The following ERICH1 variants were observed in gnomAD, a reference collection of about 807,000 sequenced individuals.
ERICH1 encodes the protein glutamate-rich protein 1.
ERICH1 carries 56 observed loss-of-function variants against 39.6 expected under a neutral mutation model. The observed-to-expected ratio is 1.41, with a 90% confidence interval of 1.14 to 1.77. The LOEUF is 1.77. Ranked by LOEUF, ERICH1 falls within the 40% of genes most tolerant of loss-of-function variation. The pLI is 0.00. For missense variants in ERICH1, 826 were observed against 575.4 expected, an observed-to-expected ratio of 1.44 and a Z score of -4.45; for synonymous variants, 313 against 223.6, an observed-to-expected ratio of 1.40 and a Z score of -3.57.
chr8:727,393 C>A (rs1819019589), intron 1 of ERICH1, among the ~76,000 whole-genome samples: 1 of 152,172 alleles, frequency 6.6e-6, no homozygotes, highest in African/African-American at 2.4e-5. Flanking sequence ...GCAATCCACT[C>A]CCTGAGGTGC....
In ERICH1 at chr8:685,397, A is replaced by G. The variant is rs576914729; in HGVS notation, c.304+7081T>C. The stretch of plus-strand genomic sequence containing the variant: ...CAGATTTCATATTGTTCAAACACAC[A>G]TGCTTTACGAACAATTTGTGCAGTT... On this transcript the variant is annotated intron_variant, in intron 3 of 5. Transcript: ENST00000262109. Among the ~76,000 whole-genome samples, 5 of 152,280 alleles carry G rather than the reference A, an allele frequency of 3.3e-5. No individual in the cohort carries two copies. In the South Asian group the frequency reaches 1.0e-3, roughly 32 times the overall value.
At chr8:618,014 G>T (rs1797035983) in intron 3 of ERICH1, among the ~76,000 whole-genome samples, 1 of 146,644 alleles carries the variant, frequency 6.8e-6, no homozygotes, top group Non-Finnish European at 1.5e-5. Context: ...AGTACTTGGT[G>T]CTTGGTCCAT....
intron 5 of ERICH1, chr8:666,663 C>G (rs1401097747): frequency 6.5e-6 from 1 of 152,740 alleles, no homozygotes; most frequent in African/African-American, 2.4e-5. Context: ...CACTCCGGGC[C>G]TTATGGCCCT....
chr8:629,576 G>A (rs6985258), intron 3 of ERICH1, among the ~76,000 whole-genome samples: 4 of 82,570 alleles, frequency 4.8e-5, no homozygotes, highest in Non-Finnish European at 7.1e-5. Flanking sequence ...ACTCACACCC[G>A]CCGGTGACCA....
In ERICH1 at chr8:664,648, AAAG is replaced by A. The variant is rs1425320410; in HGVS notation, c.1284_1286del (p.Phe429del). ...GAAGGATATGTGTGATCCAGTAACTAAAGAAAGCTGAGATTACTCTGGCATGGT... is the reference window on the plus strand; with the variant it reads ...GAAGGATATGTGTGATCCAGTAACTAAAAGCTGAGATTACTCTGGCATGGT... On this transcript the variant is annotated inframe_deletion, in exon 6 of 6. Transcript: ENST00000262109. 6.2e-7 allele frequency: 1 copy of A among 1,612,948 alleles called. No individual in the cohort carries two copies. Among genetic ancestry groups the A allele is most frequent in the Non-Finnish European group, 8.5e-7 (1 of 1,179,698 alleles).
intron 2 of ERICH1, among the ~76,000 whole-genome samples, chr8:712,884 C>T (rs1294286502): frequency 1.3e-5 from 2 of 152,178 alleles, no homozygotes; most frequent in Non-Finnish European, 2.9e-5. Flanking sequence ...CTTTGTTATA[C>T]TGATTGAAAA....
At chr8:674,529 C>A (rs143171527) in intron 3 of ERICH1, among the ~76,000 whole-genome samples, 1 of 152,084 alleles carries the variant, frequency 6.6e-6, no homozygotes, top group Admixed American at 6.5e-5. Flanking sequence ...GTCTCAAACT[C>A]CTGGTCTCAA....
In ERICH1 at chr8:673,612, T is replaced by C. The variant is rs770628017; in HGVS notation, c.740A>G (p.Gln247Arg). ...CTCACTGGCGTCCGCACCCTCTTCCTGCCTGGCCCGTGTCAGGTCTTCCTC... is the reference window on the plus strand; with the variant it reads ...CTCACTGGCGTCCGCACCCTCTTCCCGCCTGGCCCGTGTCAGGTCTTCCTC... ...ASEEDLTRAR[Q>R]EEGADASEED... The change falls in exon 4 of 6, where the codon CAG (glutamine) becomes CGG (arginine). Residue 247 changes from glutamine to arginine, a missense_variant. Gln to Arg is a conservative substitution (Grantham distance 43). Transcript: ENST00000262109. 5 of 1,549,948 alleles carry C rather than the reference T, an allele frequency of 3.2e-6. No homozygotes were observed. Among genetic ancestry groups the C allele is most frequent in the Middle Eastern group, 1.7e-4 (1 of 5,906 alleles).
At chr8:635,077 A>C (rs1798320099) in intron 3 of ERICH1, among the ~76,000 whole-genome samples, 3 of 151,316 alleles carry the variant, frequency 2.0e-5, no homozygotes, top group African/African-American at 4.8e-5. Flanking sequence ...ACGTGGACTC[A>C]AGGGGTTGCC....
chr8:627,945 G>T (rs755286744), intron 3 of ERICH1, among the ~76,000 whole-genome samples: 1 of 152,150 alleles, frequency 6.6e-6, no homozygotes, highest in Non-Finnish European at 1.5e-5. Context: ...CAGGGGCCGG[G>T]GGGGCCTGGA....
intron 1 of ERICH1, among the ~76,000 whole-genome samples, chr8:727,229 C>T (rs1372837841): frequency 6.6e-6 from 1 of 152,204 alleles, no homozygotes; most frequent in Admixed American, 6.5e-5. Flanking sequence ...AACAGCGGCA[C>T]ACATACATGC....
intron 1 of ERICH1, among the ~76,000 whole-genome samples, chr8:716,312 G>A (rs1815984374): frequency 6.6e-6 from 1 of 152,242 alleles, no homozygotes; most frequent in South Asian, 2.1e-4. Flanking sequence ...TCTGGCTGCA[G>A]GTCCCTCGGT....
At chr8:644,139 C>G (rs999277907) in intron 3 of ERICH1, among the ~76,000 whole-genome samples, 2 of 152,252 alleles carry the variant, frequency 1.3e-5, no homozygotes, top group African/African-American at 4.8e-5. Context: ...ACAGGGATCA[C>G]TGTGTGGCCT....
At chr8:724,110 C>T (rs1817988618) in intron 1 of ERICH1, among the ~76,000 whole-genome samples, 1 of 152,190 alleles carries the variant, frequency 6.6e-6, no homozygotes, top group African/African-American at 2.4e-5. Flanking sequence ...AATGGGACAT[C>T]ACCAGAACCT....
chr8:656,154 C>T (rs575785516), intron 3 of ERICH1, among the ~76,000 whole-genome samples: 62 of 152,238 alleles, frequency 4.1e-4, no homozygotes, highest in African/African-American at 1.3e-3. Context: ...GCACGGTCCT[C>T]GAGGGACATG....
rs1563295784 is a variant in ERICH1, at chr8:699,838, G to GGCGCACAGACCCGCATAC, written c.170-7227_170-7226insGTATGCGGGTCTGTGCGC. On this transcript the variant is annotated intron_variant, in intron 2 of 5. Coordinates refer to ENST00000262109, the MANE Select transcript of ERICH1 (RefSeq NM_207332.3). ...CCGCACAAGCGCACAGACCCGCACAGGCGCACAGACCCGCACACGCGCACA... is the reference window on the plus strand; with the variant it reads ...CCGCACAAGCGCACAGACCCGCACAGGCGCACAGACCCGCATACGCGCACAGACCCGCACACGCGCACA... 7.9e-3 allele frequency among the ~76,000 whole-genome samples: 461 copies of GGCGCACAGACCCGCATAC among 58,362 alleles called. 22 individuals are homozygous for GGCGCACAGACCCGCATAC. Among genetic ancestry groups the GGCGCACAGACCCGCATAC allele is most frequent in the African/African-American group, 0.026 (430 of 16,492 alleles). 38.3% of individuals were successfully genotyped at this position (58,362 alleles called of 152,430 possible).
At chr8:686,644 T>C (rs1019527819) in intron 3 of ERICH1, 1 of 152,198 alleles carries the variant, frequency 6.6e-6, no homozygotes, top group South Asian at 2.1e-4. Flanking sequence ...GTGCCAACCT[T>C]TTAGAAACCA....
intron 2 of ERICH1, among the ~76,000 whole-genome samples, chr8:709,801 T>C (rs938879565): frequency 6.6e-6 from 1 of 152,180 alleles, no homozygotes; most frequent in Non-Finnish European, 1.5e-5. Context: ...TTTACAGATA[T>C]TATTTTTTCA....
chr8:668,960 C>G lies in ERICH1; in HGVS notation c.1064-168G>C, dbSNP rs187857176. 50 of 650,058 alleles carry G rather than the reference C, an allele frequency of 7.7e-5. No individual in the cohort carries two copies. In the East Asian group the frequency reaches 1.4e-3, roughly 18 times the overall value. The allele number at this position is 650,058 out of a possible 1,614,324, so 40.3% of individuals were successfully genotyped here. ...GAGAGAATCAGAACAGAGCTCAGCA[C>G]AAAATACCACTGCATGAACGACTGT... On this transcript the variant is annotated intron_variant, in intron 4 of 5. Coordinates refer to ENST00000262109, the MANE Select transcript of ERICH1 (RefSeq NM_207332.3).
Sources: gnomAD v4.1 joint callset for allele counts (sites outside exome capture counted in the v4.1 genomes callset) on GRCh38, gnomAD v4.1.1 for gene constraint, MANE v1.5 for transcripts, NCBI Gene and HGNC (gene_info 2026-07-23, HGNC 2026-07-21) for gene names.